Variants in CAMKMT observed in about 807,000 individuals in gnomAD.
The protein encoded by CAMKMT is calmodulin-lysine N-methyltransferase, also known as CaM KMT.
A neutral mutation model predicts 48.0 loss-of-function variants in CAMKMT; 53 were observed. The ratio of observed to expected loss-of-function variants is 1.10; its 90% confidence interval spans 0.89 to 1.39. The LOEUF (loss-of-function observed/expected upper bound fraction) is 1.39, where lower values mean the gene tolerates loss of function less well. Ranked by LOEUF, CAMKMT falls within the 40% of genes most tolerant of loss-of-function variation. The pLI, the probability that CAMKMT is intolerant of heterozygous loss-of-function variation, is 0.00. For missense variants in CAMKMT, 428 were observed against 402.7 expected (o/e 1.06, Z -0.54); for synonymous variants, 165 against 152.3 (o/e 1.08, Z -0.61).
Position 44,614,953 on chromosome 2 carries a change from T to TTTTTTTTTTTTC in CAMKMT, c.377-89323_377-89322insTTTTCTTTTTTT, listed in dbSNP as rs1459090690. On this transcript the variant is annotated intron_variant, in intron 3 of 10. Coordinates refer to ENST00000378494, the MANE Select transcript of CAMKMT (RefSeq NM_024766.5). The stretch of plus-strand genomic sequence containing the variant: ...TCTCCTTGCTTTTTTTTTTTTTTTT[T>TTTTTTTTTTTTC]TTTTTTTGAGACAGGGTCTTGCTCT... Among the ~76,000 whole-genome samples the TTTTTTTTTTTTC allele has an allele frequency of 1.9e-4, 26 of 133,468 alleles. 1 individual carries two copies. Among genetic ancestry groups the TTTTTTTTTTTTC allele is most frequent in the African/African-American group, 7.5e-4 (25 of 33,296 alleles). The allele number at this position is 133,468 out of a possible 152,430, so 87.6% of individuals were successfully genotyped here.
chr2:44,564,454 C>T (rs1447849513), intron 3 of CAMKMT, among the ~76,000 whole-genome samples: 5 of 152,158 alleles, frequency 3.3e-5, no homozygotes, highest in Admixed American at 2.6e-4. Flanking sequence ...TTATTACAGG[C>T]GTGAGCCACC....
intron 2 of CAMKMT, among the ~76,000 whole-genome samples, chr2:44,375,134 T>G (rs1370733151): frequency 6.6e-6 from 1 of 151,698 alleles, no homozygotes; most frequent in East Asian, 1.9e-4. Context: ...CCTTTAGGGA[T>G]TACAGGCTTG....
chr2:44,726,630 A>C, intron 7 of CAMKMT, among the ~76,000 whole-genome samples: 1 of 152,104 alleles, frequency 6.6e-6, no homozygotes, highest in Non-Finnish European at 1.5e-5. Flanking sequence ...TAATCAGGTC[A>C]CACGTGTCTA....
chr2:44,701,968 A>AT (rs201218477), intron 3 of CAMKMT, among the ~76,000 whole-genome samples: 46 of 148,478 alleles, frequency 3.1e-4, no homozygotes, highest in East Asian at 7.8e-4. Flanking sequence ...ATTTTACGTG[A>AT]TTTTTTTTTT....
chr2:44,405,856 A>G (rs1408746798), intron 3 of CAMKMT, among the ~76,000 whole-genome samples: 1 of 152,186 alleles, frequency 6.6e-6, no homozygotes, highest in Non-Finnish European at 1.5e-5. Context: ...CTATTCCCAA[A>G]CTTCTAACAG....
chr2:44,586,754 T>C (rs1171476462), intron 3 of CAMKMT, among the ~76,000 whole-genome samples: 2 of 152,244 alleles, frequency 1.3e-5, no homozygotes, highest in African/African-American at 2.4e-5. Flanking sequence ...TTATTATATA[T>C]AAAGCTGTTG....
chr2:44,600,251 G>A (rs1446013912), intron 3 of CAMKMT, among the ~76,000 whole-genome samples: 1 of 151,504 alleles, frequency 6.6e-6, no homozygotes, highest in East Asian at 1.9e-4. Flanking sequence ...CCACTATCAT[G>A]AGACCAAGAT....
At chr2:44,715,230 C>CTT in intron 6 of CAMKMT, 57 bp from the exon 7 acceptor site, 2 of 1,092,918 alleles carry the variant, frequency 1.8e-6, no homozygotes, top group South Asian at 1.6e-5. Flanking sequence ...GTTTCTGGAC[C>CTT]TTTTTTTTTG....
chr2:44,523,061 G>A (rs1175812763), intron 3 of CAMKMT, among the ~76,000 whole-genome samples: 2 of 151,838 alleles, frequency 1.3e-5, no homozygotes, highest in Non-Finnish European at 2.9e-5. Flanking sequence ...CAAAACTAAT[G>A]CCATGTGTTT....
At chr2:44,471,215 T>G (rs1668400475) in intron 3 of CAMKMT, among the ~76,000 whole-genome samples, 1 of 152,150 alleles carries the variant, frequency 6.6e-6, no homozygotes, top group Non-Finnish European at 1.5e-5. Flanking sequence ...GGTCTGAAAC[T>G]CCTGACCTCA....
chr2:44,527,369 A>T (rs979868113), intron 3 of CAMKMT, among the ~76,000 whole-genome samples: 1 of 143,806 alleles, frequency 7.0e-6, no homozygotes, highest in Non-Finnish European at 1.5e-5. Context: ...ATATACGTAT[A>T]TACATACATA....
At chr2:44,554,674 C>A (rs1667912360) in intron 3 of CAMKMT, among the ~76,000 whole-genome samples, 1 of 151,842 alleles carries the variant, frequency 6.6e-6, no homozygotes, top group Non-Finnish European at 1.5e-5. Context: ...AAGTCAAGAT[C>A]AGCCTTGGCA....
At chr2:44,452,328 A>G (rs1404912934) in intron 3 of CAMKMT, among the ~76,000 whole-genome samples, 1 of 152,032 alleles carries the variant, frequency 6.6e-6, no homozygotes, top group Non-Finnish European at 1.5e-5. Context: ...AACTAGGCAT[A>G]GCGCCAGTTA....
At chr2:44,469,103 C>G (rs769733131) in intron 3 of CAMKMT, among the ~76,000 whole-genome samples, 1 of 152,006 alleles carries the variant, frequency 6.6e-6, no homozygotes, top group Non-Finnish European at 1.5e-5. Flanking sequence ...GGAATCAGTT[C>G]TAGTGTTCTA....
intron 3 of CAMKMT, among the ~76,000 whole-genome samples, chr2:44,512,607 G>A (rs1373756589): frequency 6.6e-6 from 1 of 152,042 alleles, no homozygotes; most frequent in Non-Finnish European, 1.5e-5. Flanking sequence ...CTCAATTCCT[G>A]TATGATGTTT....
chr2:44,410,812 G>A (rs1470880487), intron 3 of CAMKMT, among the ~76,000 whole-genome samples: 1 of 152,104 alleles, frequency 6.6e-6, no homozygotes, highest in Non-Finnish European at 1.5e-5. Flanking sequence ...GTTTTAAGAG[G>A]TTAAAAACAA....
intron 3 of CAMKMT, among the ~76,000 whole-genome samples, chr2:44,481,864 A>T (rs191006315): frequency 1.4e-3 from 214 of 152,194 alleles, no homozygotes; most frequent in African/African-American, 4.8e-3. Flanking sequence ...AAAAAATGAG[A>T]TATATAGTTA....
intron 2 of CAMKMT, among the ~76,000 whole-genome samples, chr2:44,384,714 C>G (rs1478381806): frequency 1.3e-5 from 2 of 152,014 alleles, no homozygotes; most frequent in African/African-American, 4.8e-5. Context: ...GCCAATTATT[C>G]CAGCACCATT....
chr2:44,607,908 C>T (rs952962450), intron 3 of CAMKMT, among the ~76,000 whole-genome samples: 1 of 151,684 alleles, frequency 6.6e-6, no homozygotes, highest in Non-Finnish European at 1.5e-5. Flanking sequence ...TACCCATTAC[C>T]CAATATACCC....
Sources: allele counts gnomAD v4.1 joint callset (sites outside exome capture counted in the v4.1 genomes callset), GRCh38; gene constraint gnomAD v4.1.1; transcripts MANE v1.5; gene names NCBI Gene and HGNC (gene_info 2026-07-23, HGNC 2026-07-21).